Variants in ENPP6 observed in about 807,000 individuals in gnomAD.
ENPP6 encodes ectonucleotide pyrophosphatase/phosphodiesterase 6, also known as glycerophosphocholine cholinephosphodiesterase ENPP6.
A neutral mutation model predicts 42.0 loss-of-function variants in ENPP6; 32 were observed. The ratio of observed to expected loss-of-function variants is 0.76; its 90% CI spans 0.58 to 1.02. ENPP6 has a LOEUF of 1.02. Among genes scored for constraint, ENPP6 ranks in the 50% least tolerant of loss-of-function variants. The pLI is 0.00. For synonymous variants in ENPP6, 213 were observed against 216.0 expected (o/e 0.99, Z 0.12); for missense variants, 552 against 566.8 (o/e 0.97, Z 0.27).
intron 2 of ENPP6, among the ~76,000 whole-genome samples, chr4:184,141,005 A>G (rs999202525): frequency 2.1e-4 from 24 of 114,586 alleles, no homozygotes; most frequent in African/African-American, 7.4e-4. Flanking sequence ...ACAAAGGGCT[A>G]ATATCCAGAA....
At chr4:184,108,672 A>T (rs1197750349) in intron 6 of ENPP6, among the ~76,000 whole-genome samples, 1 of 152,228 alleles carries the variant, frequency 6.6e-6, no homozygotes, top group East Asian at 1.9e-4. Flanking sequence ...AAAAATTTGT[A>T]AATTCCAGGA....
intron 6 of ENPP6, among the ~76,000 whole-genome samples, chr4:184,103,077 G>C (rs1345686876): frequency 6.6e-6 from 1 of 152,240 alleles, no homozygotes; most frequent in East Asian, 1.9e-4. Context: ...CTCTTAGAAA[G>C]TTCAAAGGGC....
intron 3 of ENPP6, among the ~76,000 whole-genome samples, chr4:184,118,274 C>T (rs1329785627): frequency 2.0e-5 from 3 of 152,178 alleles, no homozygotes; most frequent in South Asian, 2.1e-4. Flanking sequence ...GTCCACACTT[C>T]CAGAGTGGGC....
intron 6 of ENPP6, among the ~76,000 whole-genome samples, chr4:184,102,692 C>A (rs12501469): frequency 3.3e-5 from 5 of 151,922 alleles, no homozygotes; most frequent in South Asian, 2.1e-4. Context: ...TGCCTGGTGC[C>A]TCCTGCTCTG....
intron 2 of ENPP6, among the ~76,000 whole-genome samples, chr4:184,137,170 C>T (rs1229134539): frequency 5.3e-5 from 8 of 152,230 alleles, no homozygotes; most frequent in Admixed American, 5.2e-4. Context: ...AATCTCAGCT[C>T]ACTGCAACCT....
chr4:184,124,880 C>T (rs1736476362), intron 2 of ENPP6, among the ~76,000 whole-genome samples: 1 of 152,170 alleles, frequency 6.6e-6, no homozygotes, highest in South Asian at 2.1e-4. Flanking sequence ...TGTGAACAGA[C>T]TCAGCTTTTC....
chr4:184,098,937 C>A (rs1457103616), intron 6 of ENPP6, among the ~76,000 whole-genome samples: 1 of 152,184 alleles, frequency 6.6e-6, no homozygotes, highest in East Asian at 1.9e-4. Context: ...CACTAAGCTA[C>A]CAGCAATTTA....
intron 2 of ENPP6, among the ~76,000 whole-genome samples, chr4:184,144,090 T>C (rs1579633071): frequency 6.6e-6 from 1 of 152,292 alleles, no homozygotes; most frequent in East Asian, 1.9e-4. Context: ...CTTTCTGCTC[T>C]AGGAGGGGTT....
At chr4:184,135,864 C>T (rs919856167) in intron 2 of ENPP6, among the ~76,000 whole-genome samples, 16 of 151,962 alleles carry the variant, frequency 1.1e-4, no homozygotes, top group African/African-American at 3.6e-4. Flanking sequence ...ATTAGCTTCA[C>T]CTGTTTTGAA....
intron 6 of ENPP6, among the ~76,000 whole-genome samples, chr4:184,111,695 C>T (rs1736198350): frequency 1.3e-5 from 2 of 152,246 alleles, no homozygotes; most frequent in South Asian, 4.1e-4. Context: ...CCAGGTGCTT[C>T]TCTCTGTCTG....
At chr4:184,129,268 A>C (rs4340829) in intron 2 of ENPP6, among the ~76,000 whole-genome samples, 99,068 of 149,998 alleles carry the variant, frequency 0.66, 32,793 homozygotes, top group Non-Finnish European at 0.68. Flanking sequence ...GCACTGACGT[A>C]GTACACAAAC....
intron 1 of ENPP6, among the ~76,000 whole-genome samples, chr4:184,210,976 C>A (rs1379693939): frequency 2.0e-5 from 3 of 150,858 alleles, no homozygotes; most frequent in Non-Finnish European, 4.4e-5. Context: ...ACAACCTGCT[C>A]CTGAATGACT....
At chr4:184,157,900 A>ATT (rs1451771225) in intron 1 of ENPP6, among the ~76,000 whole-genome samples, 1 of 151,594 alleles carries the variant, frequency 6.6e-6, no homozygotes, top group Non-Finnish European at 1.5e-5. Flanking sequence ...AATTACAGGC[A>ATT]TGAGCCACTG....
intron 2 of ENPP6, among the ~76,000 whole-genome samples, chr4:184,127,917 AG>A (rs1365926221): frequency 1.3e-5 from 2 of 152,202 alleles, no homozygotes; most frequent in African/African-American, 4.8e-5. Flanking sequence ...AGAGAGTGCC[AG>A]GGAAGGAAGA....
intron 3 of ENPP6, among the ~76,000 whole-genome samples, chr4:184,119,426 T>C (rs1333285233): frequency 6.6e-6 from 1 of 151,968 alleles, no homozygotes; most frequent in Non-Finnish European, 1.5e-5. Flanking sequence ...CAAGAAACTA[T>C]GTTGAACCTT....
chr4:184,152,909 G>C (rs1272758395), intron 2 of ENPP6, among the ~76,000 whole-genome samples: 1 of 143,148 alleles, frequency 7.0e-6, no homozygotes, highest in African/African-American at 2.6e-5. Flanking sequence ...GCTCAATGAC[G>C]TATGGAAATG....
At chr4:184,144,975 G>C (rs1736894538) in intron 2 of ENPP6, among the ~76,000 whole-genome samples, 1 of 152,258 alleles carries the variant, frequency 6.6e-6, no homozygotes, top group Non-Finnish European at 1.5e-5. Context: ...GGTCAGCGGA[G>C]GACAGAGGGC....
chr4:184,124,256 A>C lies in ENPP6; in HGVS notation c.438T>G (p.Ile146Met). 1 of 1,613,744 alleles carries C rather than the reference A, an allele frequency of 6.2e-7. No homozygotes were observed. Among genetic ancestry groups the C allele is most frequent in the Non-Finnish European group, 8.5e-7 (1 of 1,179,798 alleles). Residue 146 changes from isoleucine (I) to methionine (M), a missense_variant, in exon 3 of 8, where the codon ATT becomes ATG. Transcript: ENST00000296741. ...MYYWPGCEVE[I>M]LGVRPTYCLE... Reference sequence around the variant, plus strand: ...GGCAGTAGGTGGGTCTGACACCCAGAATCTCAACCTCACAGCCTGAGAAGG... The same window carrying C: ...GGCAGTAGGTGGGTCTGACACCCAGCATCTCAACCTCACAGCCTGAGAAGG...
chr4:184,117,927 G>A (rs757009538), intron 3 of ENPP6, 27 bp from the exon 4 acceptor site: 4 of 1,609,156 alleles, frequency 2.5e-6, no homozygotes, highest in African/African-American at 1.3e-5. Context: ...GAGAGGCATA[G>A]GTGAGGGAGG....
Sources: allele counts gnomAD v4.1 joint callset (sites outside exome capture counted in the v4.1 genomes callset), GRCh38; gene constraint gnomAD v4.1.1; transcripts MANE v1.5; gene names NCBI Gene and HGNC (gene_info 2026-07-23, HGNC 2026-07-21).